The following PTPRO variants were observed in gnomAD, a reference collection of about 807,000 sequenced individuals.
PTPRO encodes receptor-type tyrosine-protein phosphatase O.
PTPRO carries 62 observed loss-of-function variants against 145.2 expected under a neutral mutation model. The ratio of observed to expected loss-of-function variants is 0.43; its 90% confidence interval spans 0.35 to 0.53. The LOEUF (loss-of-function observed/expected upper bound fraction) is 0.53. Ranked by LOEUF, PTPRO falls within the 20% of genes least tolerant of loss-of-function variation. The pLI, the probability that PTPRO is intolerant of heterozygous loss-of-function variation, is 0.01. For synonymous variants in PTPRO, 565 were observed against 514.7 expected (o/e 1.10, Z -1.32); for missense variants, 1,345 against 1,482.7 (o/e 0.91, Z 1.53).
At chr12:15,467,409 A>AGTAT (rs1941440337) in intron 1 of PTPRO, among the ~76,000 whole-genome samples, 1 of 149,980 alleles carries the variant, frequency 6.7e-6, no homozygotes, top group African/African-American at 2.5e-5. Context: ...GGTAGGGGTG[A>AGTAT]GTGTGTGTGT....
chr12:15,415,621 G>A (rs1166894516), intron 1 of PTPRO, among the ~76,000 whole-genome samples: 6 of 151,656 alleles, frequency 4.0e-5, no homozygotes, highest in Non-Finnish European at 5.9e-5. Flanking sequence ...TCCCGACCTT[G>A]TGATCCGCCC....
chr12:15,508,200 C>G (rs529180737), intron 6 of PTPRO, among the ~76,000 whole-genome samples: 1 of 152,264 alleles, frequency 6.6e-6, no homozygotes, highest in South Asian at 2.1e-4. Flanking sequence ...TCCTAGAGAT[C>G]AAAGATCCTA....
chr12:15,340,185 T>A (rs2136214265), intron 1 of PTPRO, among the ~76,000 whole-genome samples: 1 of 152,298 alleles, frequency 6.6e-6, no homozygotes, highest in Admixed American at 6.5e-5. Flanking sequence ...ATGGGCAAAC[T>A]GAGTTTCAGG....
chr12:15,362,102 T>C (rs1390176662), intron 1 of PTPRO, among the ~76,000 whole-genome samples: 1 of 152,210 alleles, frequency 6.6e-6, no homozygotes, highest in African/African-American at 2.4e-5. Flanking sequence ...GGTATTGCAT[T>C]GCTGGTTAGC....
At chr12:15,405,173 A>G (rs1192340845) in intron 1 of PTPRO, among the ~76,000 whole-genome samples, 1 of 152,202 alleles carries the variant, frequency 6.6e-6, no homozygotes, top group African/African-American at 2.4e-5. Context: ...GCAGATAGTT[A>G]AGTAAATCTA....
chr12:15,557,022 C>G (rs1453540443), intron 15 of PTPRO, among the ~76,000 whole-genome samples: 1 of 146,868 alleles, frequency 6.8e-6, no homozygotes, highest in Non-Finnish European at 1.5e-5. Context: ...CTATTAGCTT[C>G]TTTTATTTTG....
At chr12:15,439,632 G>A in intron 1 of PTPRO, 1 of 331,984 alleles carries the variant, frequency 3.0e-6, no homozygotes, top group Admixed American at 3.8e-5. Flanking sequence ...CATCTGGGCT[G>A]TGGTCACAGC....
At chr12:15,586,786 C>A in intron 23 of PTPRO, 111 bp from the exon 24 acceptor site, 3 of 1,198,474 alleles carry the variant, frequency 2.5e-6, no homozygotes, top group Non-Finnish European at 3.7e-6. Flanking sequence ...AGTGTACTGA[C>A]CAGGAGTGGA....
intron 12 of PTPRO, among the ~76,000 whole-genome samples, chr12:15,539,465 A>G (rs997516801): frequency 2.6e-5 from 4 of 152,082 alleles, no homozygotes; most frequent in Non-Finnish European, 4.4e-5. Context: ...CTAAGCCTTA[A>G]AGAATATAGG....
chr12:15,464,784 C>T (rs143743146), intron 1 of PTPRO, among the ~76,000 whole-genome samples: 31 of 152,122 alleles, frequency 2.0e-4, no homozygotes, highest in African/African-American at 7.5e-4. Context: ...CCAATAACAG[C>T]CATCTTATGA....
At chr12:15,453,569 C>T (rs1009847926) in intron 1 of PTPRO, among the ~76,000 whole-genome samples, 1 of 152,132 alleles carries the variant, frequency 6.6e-6, no homozygotes, top group African/African-American at 2.4e-5. Context: ...GCAAATACTA[C>T]CTTGTTTTTT....
At position 15,515,987 on chromosome 12, in the gene PTPRO, G is replaced by T. The variant is rs796067217; in HGVS notation, c.1585+369G>T. The stretch of plus-strand genomic sequence containing the variant: ...GTTTTGTTTGTCTGGTTTTTTTTTT[G>T]TTTTGTTTTTTTTTTTTTTTGGAGA... On this transcript the variant is annotated intron_variant, in intron 8 of 26. Coordinates refer to ENST00000281171, the MANE Select transcript of PTPRO (RefSeq NM_030667.3). 3.4e-3 allele frequency among the ~76,000 whole-genome samples: 277 copies of T among 80,394 alleles called. 8 individuals carry two copies. The highest frequency in any genetic ancestry group is 6.5e-3 in the East Asian group (17 of 2,610). The allele number at this position is 80,394 out of a possible 152,430, so 52.7% of individuals were successfully genotyped here.
rs188273088 is a variant in PTPRO, at chr12:15,422,178, G to T, written c.76-61796G>T. On this transcript the variant is annotated intron_variant, in intron 1 of 26. Transcript: ENST00000281171. ...GAGGATTTAAGATTTACAATTTTTT[G>T]ACTGTAATTCATTCTTACCTCTGCC... Among the ~76,000 whole-genome samples, 769 of 152,152 alleles carry T rather than the reference G, an allele frequency of 5.1e-3. 10 individuals are homozygous for T. Among genetic ancestry groups the T allele is most frequent in the African/African-American group, 0.018 (745 of 41,510 alleles).
intron 1 of PTPRO, among the ~76,000 whole-genome samples, chr12:15,483,653 A>T (rs1178346072): frequency 6.6e-6 from 1 of 152,140 alleles, no homozygotes; most frequent in Non-Finnish European, 1.5e-5. Flanking sequence ...AAAATGACTC[A>T]TTCATTATTT....
chr12:15,369,154 C>T (rs1938449543), intron 1 of PTPRO, among the ~76,000 whole-genome samples: 1 of 151,686 alleles, frequency 6.6e-6, no homozygotes, highest in Non-Finnish European at 1.5e-5. Flanking sequence ...TTTTCTAAAA[C>T]TAAAATTTAA....
intron 2 of PTPRO, among the ~76,000 whole-genome samples, chr12:15,490,218 C>G (rs553757687): frequency 1.3e-5 from 2 of 152,220 alleles, no homozygotes; most frequent in Non-Finnish European, 2.9e-5. Flanking sequence ...GTAGTTCAAT[C>G]ATATGTATAG....
At chr12:15,414,717 G>T (rs1023199690) in intron 1 of PTPRO, among the ~76,000 whole-genome samples, 1 of 151,942 alleles carries the variant, frequency 6.6e-6, no homozygotes, top group Non-Finnish European at 1.5e-5. Flanking sequence ...CACTTACCTT[G>T]GCCAGAAACC....
At chr12:15,578,827 T>C (rs1944244571) in intron 19 of PTPRO, 26 bp from the exon 20 acceptor site, 2 of 1,520,754 alleles carry the variant, frequency 1.3e-6, no homozygotes, top group Admixed American at 1.7e-5. Flanking sequence ...TATGGAACTC[T>C]CAAATCCATT....
intron 1 of PTPRO, among the ~76,000 whole-genome samples, chr12:15,456,798 A>G (rs1387648481): frequency 2.6e-5 from 4 of 152,122 alleles, no homozygotes; most frequent in African/African-American, 4.8e-5. Context: ...TATGGTATCA[A>G]TTACAATGTC....
Sources: gnomAD v4.1 joint callset for allele counts (sites outside exome capture counted in the v4.1 genomes callset) on GRCh38, gnomAD v4.1.1 for gene constraint, MANE v1.5 for transcripts, NCBI Gene and HGNC (gene_info 2026-07-23, HGNC 2026-07-21) for gene names.